The following TAF13 variants were observed in gnomAD, a reference collection of about 807,000 sequenced individuals.
TAF13 encodes the protein TATA-box binding protein associated factor 13.
Under a neutral mutation model 18.7 loss-of-function variants are expected in TAF13, and 9 were observed. That is an observed-to-expected ratio of 0.48 (90% CI 0.29 to 0.84). TAF13 has a LOEUF of 0.84. Among genes scored for constraint, TAF13 ranks in the 40% least tolerant of loss-of-function variants. TAF13 has a pLI of 0.08. For missense variants in TAF13, 105 were observed against 146.5 expected (o/e 0.72, Z 1.46); for synonymous variants, 49 against 44.1 (o/e 1.11, Z -0.44).
chr1:109,072,806 A>G (rs1442104247), intron 2 of TAF13, among the ~76,000 whole-genome samples: 1 of 127,850 alleles, frequency 7.8e-6, no homozygotes, highest in Non-Finnish European at 1.6e-5. Context: ...TTTAAGACAG[A>G]GTCTTGCTGT....
chr1:109,075,388 A>G (rs1319340311), intron 1 of TAF13, among the ~76,000 whole-genome samples: 2 of 152,226 alleles, frequency 1.3e-5, no homozygotes, highest in Non-Finnish European at 2.9e-5. Flanking sequence ...ATACTGAATC[A>G]AAGTCTACCT....
intron 2 of TAF13, among the ~76,000 whole-genome samples, chr1:109,072,617 G>C (rs1664095704): frequency 6.6e-6 from 1 of 151,590 alleles, no homozygotes; most frequent in African/African-American, 2.4e-5. Context: ...GCTAATTTTT[G>C]TATTTTTTGT....
intron 2 of TAF13, among the ~76,000 whole-genome samples, chr1:109,074,202 CAT>C (rs1395592055): frequency 6.6e-6 from 1 of 152,198 alleles, no homozygotes. Flanking sequence ...AAGAAGTAGA[CAT>C]AGGAGACTCC....
intron 3 of TAF13, among the ~76,000 whole-genome samples, chr1:109,065,328 A>G (rs1663933471): frequency 6.6e-6 from 1 of 152,106 alleles, no homozygotes; most frequent in South Asian, 2.1e-4. Flanking sequence ...GTCTCTACAA[A>G]AAATTCAAAA....
chr1:109,071,966 A>T (rs1472817975), intron 2 of TAF13, among the ~76,000 whole-genome samples: 16 of 1,536 alleles, frequency 0.01, no homozygotes, highest in African/African-American at 0.019. Flanking sequence ...AAATATATAT[A>T]TATATATATA....
chr1:109,067,982 G>A (rs1003401767), intron 2 of TAF13, among the ~76,000 whole-genome samples: 3 of 152,156 alleles, frequency 2.0e-5, no homozygotes, highest in Admixed American at 6.6e-5. Flanking sequence ...GACAGGATCC[G>A]TGTGAATTCT....
intron 3 of TAF13, among the ~76,000 whole-genome samples, 155 bp downstream of exon 3, chr1:109,065,980 T>C (rs1054315710): frequency 1.3e-5 from 2 of 150,978 alleles, no homozygotes; most frequent in African/African-American, 4.9e-5. Context: ...ATAACCTCCA[T>C]CCTCAATGAT....
Position 109,075,972 on chromosome 1 carries a change from G to T in TAF13, c.-25C>A. On this transcript the variant is annotated 5_prime_UTR_variant, in exon 1 of 4. Coordinates refer to ENST00000338366, the MANE Select transcript of TAF13 (RefSeq NM_005645.4). ...TCCCACTAGCACGCCAACTCACAGC[G>T]TCCTGCCGGCTGGCTCCCAGCTGGT... The T allele has an allele frequency of 1.2e-6, 2 of 1,614,158 alleles. No homozygotes were observed. The highest frequency in any genetic ancestry group is 1.7e-6 in the Non-Finnish European group (2 of 1,180,038).
intron 2 of TAF13, among the ~76,000 whole-genome samples, chr1:109,071,446 A>T (rs1664050330): frequency 1.3e-5 from 2 of 150,010 alleles, no homozygotes; most frequent in South Asian, 4.2e-4. Flanking sequence ...ATCTCAGGAA[A>T]AAAAAAAAAA....
At position 109,065,643 on chromosome 1, in the gene TAF13, C is replaced by T. The variant is rs149532178; in HGVS notation, c.204+492G>A. On this transcript the variant is annotated intron_variant, in intron 3 of 3. Coordinates refer to ENST00000338366, the MANE Select transcript of TAF13 (RefSeq NM_005645.4). ...ATGTCCTTATAAAAAATGCAAGAGGCTGGGCGCGTTGGCTCACGCTTGTAA... is the reference window on the plus strand; with the variant it reads ...ATGTCCTTATAAAAAATGCAAGAGGTTGGGCGCGTTGGCTCACGCTTGTAA... Among the ~76,000 whole-genome samples, 8 of 151,966 alleles carry T rather than the reference C, an allele frequency of 5.3e-5. No individual in the cohort carries two copies. In the East Asian group the frequency reaches 1.5e-3, roughly 29 times the overall value.
In TAF13 at chr1:109,072,401, A is replaced by G. The variant is rs116398526; in HGVS notation, c.106+2586T>C. ...CAAAACCGTCTACTGAGGGGGTAGGATGGAGAATCAATACATTATAATCTC... is the reference window on the plus strand; with the variant it reads ...CAAAACCGTCTACTGAGGGGGTAGGGTGGAGAATCAATACATTATAATCTC... On this transcript the variant is annotated intron_variant, in intron 2 of 3. Transcript: ENST00000338366. 1.3e-3 allele frequency among the ~76,000 whole-genome samples: 201 copies of G among 151,768 alleles called. 1 individual carries two copies. The highest frequency in any genetic ancestry group is 4.5e-3 in the African/African-American group (188 of 41,402).
rs1204737266 is a variant in TAF13 at position 109,064,712 on chromosome 1, T to C, written c.205-19A>G. The C allele has an allele frequency of 8.4e-6, 12 of 1,422,614 alleles. No homozygotes were observed. The highest frequency in any genetic ancestry group is 1.1e-5 in the Non-Finnish European group (12 of 1,080,956). 88.1% of individuals were successfully genotyped at this position (1,422,614 alleles called of 1,614,324 possible). A position where few individuals can be genotyped will look rare whatever the true frequency, so the allele number is the denominator to read the frequency against. ...TGTGAGTCTATTACAAAGAAACATA[T>C]TACATTTAACTTTTTTAAATCTAAT... On this transcript the variant is annotated intron_variant, in intron 3 of 3. Transcript: ENST00000338366.
rs940745434 is a variant in TAF13, at chr1:109,074,105, T to C, written c.106+882A>G. Among the ~76,000 whole-genome samples the C allele has an allele frequency of 2.0e-5, 3 of 152,204 alleles. No homozygotes were observed. The East Asian group carries it at 5.8e-4, about 29-fold the overall frequency. ...CCAACAGTTCATTGAGAACGGGCCA[T>C]GATGACGATGGCGGTTTTGTCGAAT... On this transcript the variant is annotated intron_variant, in intron 2 of 3. Transcript: ENST00000338366.
intron 2 of TAF13, 69 bp from the exon 3 acceptor site, chr1:109,066,301 A>G (rs1402138584): frequency 7.7e-7 from 1 of 1,303,840 alleles, no homozygotes; most frequent in East Asian, 2.4e-5. Context: ...TTAAAAAAAT[A>G]AAGTAGAAAT....
intron 2 of TAF13, among the ~76,000 whole-genome samples, chr1:109,071,124 T>C (rs1664042114): frequency 6.6e-6 from 1 of 151,850 alleles, no homozygotes; most frequent in Non-Finnish European, 1.5e-5. Context: ...TGGTGAAACT[T>C]GTCTTTACTG....
At chr1:109,070,246 GTC>G (rs1664026154) in intron 2 of TAF13, among the ~76,000 whole-genome samples, 1 of 152,028 alleles carries the variant, frequency 6.6e-6, no homozygotes, top group East Asian at 1.9e-4. Flanking sequence ...TTGAGACGGA[GTC>G]TCTCTCTGTC....
intron 2 of TAF13, among the ~76,000 whole-genome samples, chr1:109,071,477 G>A (rs1356767630): frequency 6.6e-6 from 1 of 151,682 alleles, no homozygotes; most frequent in Non-Finnish European, 1.5e-5. Context: ...GGGCATGGTG[G>A]CATGCACCTA....
rs762049551 is a variant in TAF13, at chr1:109,075,977, G to GCCGGCTGGCTC, written c.-41_-31dup. 6.2e-6 allele frequency: 10 copies of GCCGGCTGGCTC among 1,614,040 alleles called. No homozygotes were observed. The highest frequency in any genetic ancestry group is 7.6e-6 in the Non-Finnish European group (9 of 1,180,042). On this transcript the variant is annotated 5_prime_UTR_variant, in exon 1 of 4. Transcript: ENST00000338366. ...CTAGCACGCCAACTCACAGCGTCCT[G>GCCGGCTGGCTC]CCGGCTGGCTCCCAGCTGGTTACAC... is the stretch of plus-strand genomic sequence containing the variant.
In TAF13 at chr1:109,075,951, A is replaced by G; in HGVS notation, c.-4T>C. 1.2e-5 allele frequency: 20 copies of G among 1,614,114 alleles called. No homozygotes were observed. The highest frequency in any genetic ancestry group is 1.7e-5 in the Non-Finnish European group (20 of 1,180,008). On this transcript the variant is annotated 5_prime_UTR_variant, in exon 1 of 4. Transcript: ENST00000338366. ...GGTCTTCTTCCTCATCTGCCATCCC[A>G]CTAGCACGCCAACTCACAGCGTCCT...
Sources: allele counts gnomAD v4.1 joint callset (sites outside exome capture counted in the v4.1 genomes callset), GRCh38; gene constraint gnomAD v4.1.1; transcripts MANE v1.5; gene names NCBI Gene and HGNC (gene_info 2026-07-23, HGNC 2026-07-21).